The following DZIP3 variants were observed in gnomAD, a reference collection of about 807,000 sequenced individuals.
The protein encoded by DZIP3 is E3 ubiquitin-protein ligase DZIP3.
A neutral mutation model predicts 162.0 loss-of-function variants in DZIP3; 118 were observed. That is an observed-to-expected ratio of 0.73 (90% CI 0.63 to 0.85). The LOEUF (loss-of-function observed/expected upper bound fraction) is 0.85. Ranked by LOEUF, DZIP3 falls within the 40% of genes least tolerant of loss-of-function variation. The probability of loss-of-function intolerance (pLI) is 0.00; values close to 1 mark genes in which losing one functional copy is unlikely to be tolerated. For synonymous variants in DZIP3, 438 were observed against 458.6 expected (o/e 0.96, Z 0.57); for missense variants, 1,331 against 1,407.0 (o/e 0.95, Z 0.86).
intron 1 of DZIP3, among the ~76,000 whole-genome samples, chr3:108,590,314 T>C (rs572888858): frequency 3.9e-4 from 60 of 152,352 alleles, no homozygotes; most frequent in African/African-American, 1.4e-3. Context: ...GTAGAAATTG[T>C]AAGAATAGGG....
chr3:108,622,878 C>CTGTGTGTGTGTG (rs1323518919), intron 5 of DZIP3, among the ~76,000 whole-genome samples: 3 of 79,458 alleles, frequency 3.8e-5, no homozygotes, highest in African/African-American at 1.6e-4. Context: ...CTCTCTCTCT[C>CTGTGTGTGTGTG]TCTGTGTGTG....
rs962361916 is a variant in DZIP3, at chr3:108,673,950, T to C, written c.2590-128T>C. 3 of 713,508 alleles carry C rather than the reference T, an allele frequency of 4.2e-6. No homozygotes were observed. In the African/African-American group the frequency reaches 5.3e-5, roughly 13 times the overall value. 44.2% of individuals were successfully genotyped at this position (713,508 alleles called of 1,614,324 possible). On this transcript the variant is annotated intron_variant, in intron 23 of 32. Coordinates refer to ENST00000361582, the MANE Select transcript of DZIP3 (RefSeq NM_014648.4). ...AGCTTTTGTAATGTATCTTGAATGGTCAAGGAACCTAGATGCTATTGGAAG... is the reference window on the plus strand; with the variant it reads ...AGCTTTTGTAATGTATCTTGAATGGCCAAGGAACCTAGATGCTATTGGAAG...
At chr3:108,692,353 A>G (rs181015149) in intron 32 of DZIP3, among the ~76,000 whole-genome samples, 183 of 152,262 alleles carry the variant, frequency 1.2e-3, no homozygotes, top group African/African-American at 4.2e-3. Context: ...CCCATGGGCT[A>G]AAGAATTTAC....
intron 4 of DZIP3, among the ~76,000 whole-genome samples, chr3:108,614,882 C>T (rs1272576204): frequency 1.3e-5 from 2 of 152,154 alleles, no homozygotes; most frequent in East Asian, 3.8e-4. Context: ...TTAATTAAAA[C>T]CTACTTTTCC....
intron 1 of DZIP3, among the ~76,000 whole-genome samples, chr3:108,597,772 C>A (rs1419348688): frequency 1.3e-5 from 2 of 151,892 alleles, no homozygotes; most frequent in African/African-American, 4.8e-5. Context: ...TTTTTACTTG[C>A]TTTTATCTTA....
At chr3:108,614,747 T>C (rs1282154342) in intron 4 of DZIP3, among the ~76,000 whole-genome samples, 1 of 152,200 alleles carries the variant, frequency 6.6e-6, no homozygotes, top group East Asian at 1.9e-4. Flanking sequence ...ATTATATGAA[T>C]ATCCCAGTTG....
At chr3:108,680,458 C>A (rs1944264707) in intron 26 of DZIP3, among the ~76,000 whole-genome samples, 1 of 151,990 alleles carries the variant, frequency 6.6e-6, no homozygotes, top group South Asian at 2.1e-4. Flanking sequence ...GATTCAAAAT[C>A]AACATACAAG....
intron 9 of DZIP3, among the ~76,000 whole-genome samples, chr3:108,633,515 G>A (rs1941980497): frequency 6.6e-6 from 1 of 151,784 alleles, no homozygotes; most frequent in Non-Finnish European, 1.5e-5. Flanking sequence ...TTGGCAGGGG[G>A]AAAAAGTAAC....
At chr3:108,619,530 G>A (rs1353902687) in intron 5 of DZIP3, among the ~76,000 whole-genome samples, 1 of 151,986 alleles carries the variant, frequency 6.6e-6, no homozygotes, top group African/African-American at 2.4e-5. Context: ...CTAAGAACCA[G>A]GTATAAATCC....
intron 1 of DZIP3, among the ~76,000 whole-genome samples, chr3:108,593,429 A>T (rs979649762): frequency 4.0e-5 from 6 of 151,220 alleles, no homozygotes; most frequent in African/African-American, 1.5e-4. Flanking sequence ...GGATTTTATT[A>T]TATACCTGTT....
intron 21 of DZIP3, among the ~76,000 whole-genome samples, chr3:108,665,768 G>A (rs916783000): frequency 3.9e-5 from 6 of 152,004 alleles, no homozygotes; most frequent in Non-Finnish European, 5.9e-5. Context: ...CAGATTTTTC[G>A]TTTGAAACCA....
intron 12 of DZIP3, among the ~76,000 whole-genome samples, chr3:108,640,488 C>T (rs1298440986): frequency 2.0e-5 from 3 of 150,584 alleles, no homozygotes; most frequent in Admixed American, 6.6e-5. Context: ...CCCTGTCACC[C>T]AGGTTGGAGT....
In DZIP3 at chr3:108,636,611, T is replaced by TTTA; in HGVS notation, c.919-4_919-2dup. On this transcript the variant is annotated splice_polypyrimidine_tract_variant and splice_region_variant and intron_variant, in intron 10 of 32. Transcript: ENST00000361582. ...ATTTTTATTTTTTTCTATTAATAAATTTAGAGTTTTAGTGGGAAAAAATGT... is the reference window on the plus strand; with the variant it reads ...ATTTTTATTTTTTTCTATTAATAAATTTATTAGAGTTTTAGTGGGAAAAAATGT... 1 of 1,530,356 alleles carries TTTA rather than the reference T, an allele frequency of 6.5e-7. No homozygotes were observed. Among genetic ancestry groups the TTTA allele is most frequent in the East Asian group, 2.4e-5 (1 of 42,380 alleles). 94.8% of individuals were successfully genotyped at this position (1,530,356 alleles called of 1,614,324 possible).
At chr3:108,679,643 A>G (rs1185838903) in intron 26 of DZIP3, among the ~76,000 whole-genome samples, 3 of 152,136 alleles carry the variant, frequency 2.0e-5, no homozygotes, top group African/African-American at 7.2e-5. Context: ...GATGGTACCT[A>G]CAATGGAAGT....
intron 2 of DZIP3, among the ~76,000 whole-genome samples, chr3:108,607,680 C>G (rs1406896834): frequency 6.6e-6 from 1 of 151,980 alleles, no homozygotes; most frequent in Admixed American, 6.6e-5. Context: ...GTTTAGGAAC[C>G]CCAAACAGAA....
At chr3:108,593,986 G>A (rs1241268902) in intron 1 of DZIP3, among the ~76,000 whole-genome samples, 2 of 151,876 alleles carry the variant, frequency 1.3e-5, no homozygotes, top group Non-Finnish European at 2.9e-5. Flanking sequence ...GTATAGTTAC[G>A]GATCTGATCA....
At position 108,656,894 on chromosome 3, in the gene DZIP3, C is replaced by T. The variant is rs781128459; in HGVS notation, c.2199+2584C>T. Reference sequence around the variant, plus strand: ...CAACTGGAAGAAAGGGTATCAGTGACGGAAGATCAAATGAATGAAATGAAG... The same window carrying T: ...CAACTGGAAGAAAGGGTATCAGTGATGGAAGATCAAATGAATGAAATGAAG... On this transcript the variant is annotated intron_variant, in intron 19 of 32. Coordinates refer to ENST00000361582, the MANE Select transcript of DZIP3 (RefSeq NM_014648.4). 9.2e-5 allele frequency among the ~76,000 whole-genome samples: 14 copies of T among 152,022 alleles called. 1 individual carries two copies. In the South Asian group the frequency reaches 1.2e-3, roughly 14 times the overall value.
At chr3:108,637,643 C>G in intron 12 of DZIP3, 95 bp downstream of exon 12, 1 of 602,596 alleles carries the variant, frequency 1.7e-6, no homozygotes, top group Non-Finnish European at 2.5e-6. Flanking sequence ...CCTAATAGAG[C>G]TGCATTAAAT....
At chr3:108,596,605 TCTAAAGGAGAATTTTA>T (rs1180579215) in intron 1 of DZIP3, among the ~76,000 whole-genome samples, 1 of 152,170 alleles carries the variant, frequency 6.6e-6, no homozygotes, top group Non-Finnish European at 1.5e-5. Flanking sequence ...CCTCTTGACT[TCTAAAGGAGAATTTTA>T]GGTTGGCCAA....
Sources: gnomAD v4.1 joint callset for allele counts (sites outside exome capture counted in the v4.1 genomes callset) on GRCh38, gnomAD v4.1.1 for gene constraint, MANE v1.5 for transcripts, NCBI Gene and HGNC (gene_info 2026-07-23, HGNC 2026-07-21) for gene names.